The following ITPR2 variants were observed in gnomAD, a reference collection of about 807,000 sequenced individuals.
ITPR2 encodes inositol 1,4,5-trisphosphate-gated calcium channel ITPR2.
In ITPR2, 207 loss-of-function variants were observed where a neutral mutation model predicts 317.1. The observed-to-expected ratio is 0.65, with a 90% CI of 0.58 to 0.73. The LOEUF (loss-of-function observed/expected upper bound fraction) is 0.73, where lower values mean the gene tolerates loss of function less well. ITPR2 is among the 30% of genes least tolerant of loss of function. ITPR2 has a pLI of 0.00. For missense variants in ITPR2, 2,613 were observed against 3,284.0 expected (o/e 0.80, Z 4.99); for synonymous variants, 1,156 against 1,149.1 (o/e 1.01, Z -0.12).
In ITPR2 at chr12:26,556,340, T is replaced by C. The variant is rs757728349; in HGVS notation, c.4857A>G (p.Pro1619=). 22 of 1,613,754 alleles carry C rather than the reference T, an allele frequency of 1.4e-5. No individual in the cohort carries two copies. In the Middle Eastern group the frequency reaches 4.9e-4, roughly 36 times the overall value. ...VVASLEHQFS[P]MMQAEFSVLV... is the part of the protein sequence containing the mutation. ...ACACTGAGAATTCAGCCTGCATCAT[T>C]GGGCTGAACTGGTGCTCCAAGGAGG... The change falls in exon 36 of 57, where the codon CCA becomes CCG. Residue 1619 remains proline (P), a synonymous_variant. Coordinates refer to ENST00000381340, the MANE Select transcript of ITPR2 (RefSeq NM_002223.4).
intron 9 of ITPR2, among the ~76,000 whole-genome samples, chr12:26,699,224 A>G (rs1948401816): frequency 6.6e-6 from 1 of 152,130 alleles, no homozygotes; most frequent in Non-Finnish European, 1.5e-5. Context: ...CAAACACAAA[A>G]TAAAATAATT....
chr12:26,613,320 G>C (rs1177514425), intron 26 of ITPR2, among the ~76,000 whole-genome samples: 1 of 152,100 alleles, frequency 6.6e-6, no homozygotes, highest in African/African-American at 2.4e-5. Context: ...TCAAAACAAA[G>C]AGCTGTCTCT....
intron 2 of ITPR2, among the ~76,000 whole-genome samples, chr12:26,749,969 T>G (rs553751672): frequency 6.6e-6 from 1 of 152,278 alleles, no homozygotes; most frequent in African/African-American, 2.4e-5. Context: ...ACAAGACAAG[T>G]AGCAACAAGT....
At chr12:26,434,393 A>T (rs1941296382) in intron 48 of ITPR2, among the ~76,000 whole-genome samples, 1 of 152,190 alleles carries the variant, frequency 6.6e-6, no homozygotes, top group East Asian at 1.9e-4. Flanking sequence ...TACTATTATA[A>T]CTATTATTGG....
intron 13 of ITPR2, among the ~76,000 whole-genome samples, chr12:26,666,290 T>A (rs1206139116): frequency 2.0e-5 from 3 of 152,188 alleles, no homozygotes; most frequent in Non-Finnish European, 4.4e-5. Context: ...TGACAAAAGA[T>A]AATCTCTAAG....
At chr12:26,457,342 T>C (rs1421193214) in intron 45 of ITPR2, among the ~76,000 whole-genome samples, 1 of 152,180 alleles carries the variant, frequency 6.6e-6, no homozygotes, top group East Asian at 1.9e-4. Context: ...TTGAGCAGAA[T>C]AAGTAAAGAC....
chr12:26,613,707 T>C (rs113198000), intron 26 of ITPR2, among the ~76,000 whole-genome samples: 1,884 of 152,150 alleles, frequency 0.012, 19 homozygotes, highest in Non-Finnish European at 0.021. Context: ...GGGAAAGACA[T>C]GGCCCACAGA....
intron 39 of ITPR2, among the ~76,000 whole-genome samples, chr12:26,488,304 G>C (rs1942718600): frequency 6.6e-6 from 1 of 152,112 alleles, no homozygotes; most frequent in Non-Finnish European, 1.5e-5. Context: ...ATAATTTCCA[G>C]ATCAAGCAGA....
At chr12:26,480,742 A>G (rs1355554646) in intron 43 of ITPR2, among the ~76,000 whole-genome samples, 1 of 152,180 alleles carries the variant, frequency 6.6e-6, no homozygotes, top group East Asian at 1.9e-4. Flanking sequence ...CAGGAGGCTG[A>G]GGCAGGAGAA....
chr12:26,432,605 T>C (rs1941240574), intron 48 of ITPR2, among the ~76,000 whole-genome samples: 2 of 152,202 alleles, frequency 1.3e-5, no homozygotes, highest in South Asian at 4.1e-4. Context: ...TGGATAATTT[T>C]TACTACTGTG....
intron 55 of ITPR2, among the ~76,000 whole-genome samples, chr12:26,367,895 A>C (rs933832862): frequency 3.3e-5 from 5 of 152,190 alleles, no homozygotes; most frequent in African/African-American, 1.2e-4. Context: ...ACTTCATTGG[A>C]GAAAGAGATG....
chr12:26,421,741 G>A (rs1158006052), intron 49 of ITPR2, among the ~76,000 whole-genome samples: 2 of 138,058 alleles, frequency 1.4e-5, no homozygotes, highest in East Asian at 5.3e-4. Context: ...GCTCTTCTGA[G>A]CTGGTGCTAA....
intron 32 of ITPR2, among the ~76,000 whole-genome samples, chr12:26,581,613 C>T (rs1945406961): frequency 6.6e-6 from 1 of 152,080 alleles, no homozygotes; most frequent in African/African-American, 2.4e-5. Context: ...ATTAAGGACT[C>T]TTATTTTGTT....
chr12:26,574,202 T>C (rs76387284), intron 34 of ITPR2, among the ~76,000 whole-genome samples: 6,293 of 151,444 alleles, frequency 0.042, 419 homozygotes, highest in African/African-American at 0.14. Flanking sequence ...TAATTCTGTC[T>C]TTGGGAACCT....
chr12:26,671,272 G>A (rs1230355553), intron 13 of ITPR2, among the ~76,000 whole-genome samples: 1 of 152,136 alleles, frequency 6.6e-6, no homozygotes, highest in Admixed American at 6.6e-5. Context: ...TTGAAATGAA[G>A]GAAAAAATGT....
At chr12:26,824,192 G>A (rs1160920302) in intron 1 of ITPR2, among the ~76,000 whole-genome samples, 1 of 152,154 alleles carries the variant, frequency 6.6e-6, no homozygotes, top group Non-Finnish European at 1.5e-5. Context: ...TAATAAAAGT[G>A]TTGAATATCT....
intron 21 of ITPR2, among the ~76,000 whole-genome samples, chr12:26,637,312 A>G (rs771889671): frequency 6.6e-6 from 1 of 152,204 alleles, no homozygotes; most frequent in Non-Finnish European, 1.5e-5. Flanking sequence ...AAAATTAAGA[A>G]CAAGTACAAG....
At chr12:26,362,000 C>A (rs1380144498) in intron 55 of ITPR2, among the ~76,000 whole-genome samples, 1 of 152,226 alleles carries the variant, frequency 6.6e-6, no homozygotes, top group Non-Finnish European at 1.5e-5. Context: ...CTCTAATTCA[C>A]AATAACACCA....
chr12:26,649,122 C>T (rs1947182127), intron 21 of ITPR2: 1 of 152,056 alleles, frequency 6.6e-6, no homozygotes, highest in African/African-American at 2.4e-5. Flanking sequence ...AAGAATAGTA[C>T]AAAGAACTCC....
Sources: allele counts gnomAD v4.1 joint callset (sites outside exome capture counted in the v4.1 genomes callset), GRCh38; gene constraint gnomAD v4.1.1; transcripts MANE v1.5; gene names NCBI Gene and HGNC (gene_info 2026-07-23, HGNC 2026-07-21).